Variants in PRSS23 observed in about 807,000 individuals in gnomAD.
PRSS23 encodes serine protease 23, also known as protease, serine 23.
Under a neutral mutation model 34.7 loss-of-function variants are expected in PRSS23, and 25 were observed. That is an observed-to-expected ratio of 0.72 (90% CI 0.53 to 1.01). PRSS23 has a LOEUF of 1.01. Ranked by LOEUF, PRSS23 falls within the 50% of genes least tolerant of loss-of-function variation. The pLI is 0.00. For synonymous variants in PRSS23, 176 were observed against 186.6 expected (o/e 0.94, Z 0.46); for missense variants, 445 against 475.6 (o/e 0.94, Z 0.60).
chr11:86,820,415 G>C (rs528186058), intron 1 of PRSS23, among the ~76,000 whole-genome samples: 4 of 152,292 alleles, frequency 2.6e-5, no homozygotes, highest in African/African-American at 9.6e-5. Context: ...TTGAGGATAA[G>C]GTTAAGGGAA....
chr11:86,867,096 G>T (rs747195737), intron 2 of PRSS23, among the ~76,000 whole-genome samples: 2 of 152,114 alleles, frequency 1.3e-5, no homozygotes, highest in Admixed American at 6.5e-5. Flanking sequence ...ACAGAACCAG[G>T]GTATCTAATC....
chr11:86,840,972 GA>G (rs1411680818), intron 2 of PRSS23, among the ~76,000 whole-genome samples: 3 of 152,038 alleles, frequency 2.0e-5, no homozygotes, highest in Non-Finnish European at 4.4e-5. Context: ...TGTGTAGAGG[GA>G]AATTTATAGC....
chr11:86,796,452 T>C (rs1947981296), upstream of PRSS23, among the ~76,000 whole-genome samples: 1 of 151,636 alleles, frequency 6.6e-6, no homozygotes, highest in South Asian at 2.1e-4. Context: ...CCATCCTGGC[T>C]AACACGGTGA....
At chr11:86,813,032 G>A (rs1948191156), downstream of PRSS23, among the ~76,000 whole-genome samples, 1 of 152,120 alleles carries the variant, frequency 6.6e-6, no homozygotes, top group South Asian at 2.1e-4. Flanking sequence ...ATTTGAAGCT[G>A]AGGAAGAGAG....
At chr11:86,907,332 C>G (rs11608188) in intron 2 of PRSS23, among the ~76,000 whole-genome samples, 5,406 of 152,128 alleles carry the variant, frequency 0.036, 127 homozygotes, top group Non-Finnish European at 0.051. Flanking sequence ...GTTTATTGAA[C>G]AAATTAATGA....
intron 1 of PRSS23, among the ~76,000 whole-genome samples, chr11:86,793,141 T>C (rs1208675190): frequency 1.3e-5 from 2 of 152,190 alleles, no homozygotes; most frequent in Non-Finnish European, 2.9e-5. Flanking sequence ...ACTTCTGTAT[T>C]GAAAAAAGGA....
chr11:86,913,420 T>C (rs904748804), intron 2 of PRSS23, among the ~76,000 whole-genome samples: 2 of 150,466 alleles, frequency 1.3e-5, no homozygotes, highest in African/African-American at 4.9e-5. Flanking sequence ...TTTTCAATAG[T>C]CTACTGTTTT....
chr11:86,807,119 T>C (rs1379834557), intron 1 of PRSS23, among the ~76,000 whole-genome samples: 1 of 152,214 alleles, frequency 6.6e-6, no homozygotes, highest in Non-Finnish European at 1.5e-5. Flanking sequence ...CCTTCTTTGA[T>C]GTCTCAGTCA....
intron 2 of PRSS23, among the ~76,000 whole-genome samples, chr11:86,878,902 G>A (rs558067959): frequency 1.4e-4 from 20 of 142,318 alleles, no homozygotes; most frequent in South Asian, 1.1e-3. Flanking sequence ...AGTGAGGAGC[G>A]TCTCTGCCCG....
chr11:86,806,408 G>T (rs72969432), intron 1 of PRSS23, among the ~76,000 whole-genome samples: 2 of 152,134 alleles, frequency 1.3e-5, no homozygotes, highest in Non-Finnish European at 2.9e-5. Context: ...CATTTAGAGG[G>T]TAAATTTAAA....
At chr11:86,948,012 C>T (rs1296153219) in intron 2 of PRSS23, 1 of 152,226 alleles carries the variant, frequency 6.6e-6, no homozygotes, top group African/African-American at 2.4e-5. Context: ...GCCGGCAAAG[C>T]CAAAGCAGAT....
chr11:86,934,891 A>G (rs1196158577), intron 2 of PRSS23: 1 of 152,236 alleles, frequency 6.6e-6, no homozygotes, highest in Non-Finnish European at 1.5e-5. Flanking sequence ...AAGTGGAGGG[A>G]TTACTTTTTC....
intron 2 of PRSS23, among the ~76,000 whole-genome samples, chr11:86,841,274 G>A (rs1366537621): frequency 1.3e-5 from 2 of 150,070 alleles, no homozygotes; most frequent in Non-Finnish European, 3.0e-5. Flanking sequence ...GGGAGGTGGA[G>A]GTTGCAATGA....
At chr11:86,833,191 C>T (rs200575232) in intron 2 of PRSS23, 6 of 1,159,202 alleles carry the variant, frequency 5.2e-6, no homozygotes, top group South Asian at 1.2e-5. Context: ...GGAGATGACT[C>T]TGCTGTGAGA....
chr11:86,856,782 T>C (rs1473439735), intron 2 of PRSS23, among the ~76,000 whole-genome samples: 1 of 152,172 alleles, frequency 6.6e-6, no homozygotes, highest in African/African-American at 2.4e-5. Context: ...AAAAGATGGT[T>C]GTGATTTCAC....
intron 2 of PRSS23, among the ~76,000 whole-genome samples, chr11:86,895,477 C>CTTTTTTTTTTT (rs71040269): frequency 1.3e-4 from 11 of 86,638 alleles, no homozygotes; most frequent in Admixed American, 1.8e-4. Flanking sequence ...TTATTTTATC[C>CTTTTTTTTTTT]TTTTTTTTTT....
chr11:86,888,117 T>TAAAAAAAA (rs35019573), intron 2 of PRSS23, among the ~76,000 whole-genome samples: 2 of 98,810 alleles, frequency 2.0e-5, no homozygotes, highest in African/African-American at 3.9e-5. Context: ...TGGTTTTTTT[T>TAAAAAAAA]AAAAAAAAAC....
chr11:86,939,562 T>C (rs897632640), intron 2 of PRSS23, among the ~76,000 whole-genome samples: 4 of 151,016 alleles, frequency 2.6e-5, no homozygotes, highest in East Asian at 3.9e-4. Context: ...GAAATATCCA[T>C]GGTAAATATA....
chr11:86,923,939 T>C (rs1271216181), intron 2 of PRSS23, among the ~76,000 whole-genome samples: 1 of 152,174 alleles, frequency 6.6e-6, no homozygotes, highest in Non-Finnish European at 1.5e-5. Context: ...CTAAGATATA[T>C]TTCCTTGAGA....
Sources: allele counts gnomAD v4.1 joint callset (sites outside exome capture counted in the v4.1 genomes callset), GRCh38; gene constraint gnomAD v4.1.1; transcripts MANE v1.5; gene names NCBI Gene and HGNC (gene_info 2026-07-23, HGNC 2026-07-21).